NIPAL2: variants seen among roughly 807,000 people sequenced by gnomAD.
NIPAL2 encodes NIPA-like protein 2.
In NIPAL2, 43 loss-of-function variants were observed where a neutral mutation model predicts 48.9. That is an observed-to-expected ratio of 0.88 (90% CI 0.69 to 1.13). The LOEUF is 1.13. Among genes scored for constraint, NIPAL2 ranks in the 50% most tolerant of loss-of-function variants. The pLI is 0.00. For missense variants in NIPAL2, 446 were observed against 461.4 expected (o/e 0.97, Z 0.31); for synonymous variants, 167 against 174.6 (o/e 0.96, Z 0.34).
At chr8:98,256,661 A>G (rs1186178886) in intron 1 of NIPAL2, among the ~76,000 whole-genome samples, 1 of 151,986 alleles carries the variant, frequency 6.6e-6, no homozygotes, top group Non-Finnish European at 1.5e-5. Context: ...AAGTGTTAGC[A>G]AAGATGGGGA....
In NIPAL2 at chr8:98,211,733, A is replaced by AGTGTGTGTGTGTGT. The variant is rs1156409051; in HGVS notation, c.655+658_655+671dup. On this transcript the variant is annotated intron_variant, in intron 6 of 10. Coordinates refer to ENST00000430223, the MANE Select transcript of NIPAL2 (RefSeq NM_001321635.2). ...GAGTGAGAGAGAGAGAGAGAGAGAA[A>AGTGTGTGTGTGTGT]GTGTGTGTGTGTGTGTGTGTGTGTG... 5.1e-3 allele frequency among the ~76,000 whole-genome samples: 558 copies of AGTGTGTGTGTGTGT among 109,122 alleles called. 11 individuals are homozygous for AGTGTGTGTGTGTGT. The highest frequency in any genetic ancestry group is 0.015 in the African/African-American group (391 of 25,934). 71.6% of individuals were successfully genotyped at this position (109,122 alleles called of 152,430 possible). A position where few individuals can be genotyped will look rare whatever the true frequency, so the allele number is the denominator to read the frequency against.
intron 1 of NIPAL2, among the ~76,000 whole-genome samples, chr8:98,260,568 G>A (rs1359415610): frequency 1.2e-4 from 18 of 152,046 alleles, no homozygotes; most frequent in African/African-American, 3.4e-4. Context: ...GCGCTTTTCC[G>A]ACGGGCTTAA....
rs1812710860 is a variant in NIPAL2 at position 98,236,273 on chromosome 8, C to A, written c.377-59G>T. On this transcript the variant is annotated intron_variant, in intron 3 of 10. Coordinates refer to ENST00000430223, the MANE Select transcript of NIPAL2 (RefSeq NM_001321635.2). The stretch of plus-strand genomic sequence containing the variant: ...ATATAAAAGTGTCTATTACGCAATG[C>A]CATTTGAAAGAAGTTAAGCAATTTG... The A allele has an allele frequency of 4.2e-6, 5 of 1,204,394 alleles. No individual in the cohort carries two copies. The East Asian group carries it at 7.5e-5, about 18-fold the overall frequency. The allele number at this position is 1,204,394 out of a possible 1,614,324, so 74.6% of individuals were successfully genotyped here.
intron 8 of NIPAL2, among the ~76,000 whole-genome samples, chr8:98,199,822 A>C (rs555703973): frequency 6.6e-6 from 1 of 152,224 alleles, no homozygotes; most frequent in African/African-American, 2.4e-5. Flanking sequence ...TGCAGAGCAC[A>C]ATAAAATGCG....
Position 98,192,800 on chromosome 8 carries a change from T to C in NIPAL2, c.*178A>G, listed in dbSNP as rs1810357378. The C allele has an allele frequency of 1.7e-6, 1 of 603,646 alleles. No homozygotes were observed. The highest frequency in any genetic ancestry group is 2.8e-5 in the East Asian group (1 of 36,322). 37.4% of individuals were successfully genotyped at this position (603,646 alleles called of 1,614,324 possible). A position where few individuals can be genotyped will look rare whatever the true frequency, so the allele number is the denominator to read the frequency against. ...TCCAAATCACATTCCATGGAAATATTAGACTGTCAGAGCTTAGGAAGTCCC... is the reference window on the plus strand; with the variant it reads ...TCCAAATCACATTCCATGGAAATATCAGACTGTCAGAGCTTAGGAAGTCCC... On this transcript the variant is annotated 3_prime_UTR_variant, in exon 11 of 11. Coordinates refer to ENST00000430223, the MANE Select transcript of NIPAL2 (RefSeq NM_001321635.2).
chr8:98,292,208 A>G (rs1816523871), intron 1 of NIPAL2, among the ~76,000 whole-genome samples: 1 of 152,160 alleles, frequency 6.6e-6, no homozygotes, highest in Non-Finnish European at 1.5e-5. Context: ...ATCCACACCC[A>G]TTTTCAGCCA....
In NIPAL2 at chr8:98,284,223, C is replaced by T. The variant is rs573693401; in HGVS notation, c.135+9780G>A. Reference sequence around the variant, plus strand: ...CATTTCTCTACCATTGTGACTCCAGCGGCCATATCCAAATGTATATCACAA... The same window carrying T: ...CATTTCTCTACCATTGTGACTCCAGTGGCCATATCCAAATGTATATCACAA... On this transcript the variant is annotated intron_variant, in intron 1 of 10. Transcript: ENST00000430223. Among the ~76,000 whole-genome samples the T allele has an allele frequency of 5.3e-5, 8 of 152,280 alleles. No homozygotes were observed. In the South Asian group the frequency reaches 8.3e-4, roughly 16 times the overall value.
At chr8:98,206,399 G>T (rs1425349224) in intron 6 of NIPAL2, among the ~76,000 whole-genome samples, 2 of 151,884 alleles carry the variant, frequency 1.3e-5, no homozygotes, top group African/African-American at 4.8e-5. Context: ...GCCAAGAAAA[G>T]CCTCCCATAA....
At chr8:98,255,647 A>G (rs766697466) in intron 1 of NIPAL2, among the ~76,000 whole-genome samples, 1 of 152,226 alleles carries the variant, frequency 6.6e-6, no homozygotes, top group Non-Finnish European at 1.5e-5. Context: ...TTCTTTTCCT[A>G]ATAGAGGCAC....
chr8:98,247,751 A>C (rs1467455505), intron 3 of NIPAL2, among the ~76,000 whole-genome samples: 1 of 152,182 alleles, frequency 6.6e-6, no homozygotes, highest in East Asian at 1.9e-4. Context: ...AAGTCTGTTT[A>C]ATTACCTTAG....
intron 8 of NIPAL2, among the ~76,000 whole-genome samples, chr8:98,197,132 G>A (rs187349321): frequency 5.7e-4 from 81 of 141,428 alleles, no homozygotes; most frequent in African/African-American, 1.8e-3. Context: ...GTACTTCTTC[G>A]TACAGGTGTA....
chr8:98,292,089 A>G (rs1242045406), intron 1 of NIPAL2, among the ~76,000 whole-genome samples: 1 of 152,230 alleles, frequency 6.6e-6, no homozygotes, highest in African/African-American at 2.4e-5. Context: ...TTGTGATAAA[A>G]CCAATGGAGG....
intron 5 of NIPAL2, among the ~76,000 whole-genome samples, chr8:98,214,933 G>A (rs1362536085): frequency 1.3e-5 from 2 of 152,094 alleles, no homozygotes; most frequent in Admixed American, 1.3e-4. Flanking sequence ...AAAACATTGG[G>A]TGTCCTAATT....
intron 6 of NIPAL2, among the ~76,000 whole-genome samples, chr8:98,211,260 A>G (rs1266480217): frequency 6.6e-6 from 1 of 152,106 alleles, no homozygotes; most frequent in African/African-American, 2.4e-5. Context: ...TAATTCTGTT[A>G]TCTTACATTC....
At chr8:98,280,077 CTG>C (rs1380027209) in intron 1 of NIPAL2, among the ~76,000 whole-genome samples, 5 of 152,190 alleles carry the variant, frequency 3.3e-5, no homozygotes, top group Non-Finnish European at 7.3e-5. Flanking sequence ...ACCTGTAGTA[CTG>C]TGTTATTGAC....
At chr8:98,257,654 C>T (rs1443641314) in intron 1 of NIPAL2, among the ~76,000 whole-genome samples, 1 of 152,108 alleles carries the variant, frequency 6.6e-6, no homozygotes, top group Non-Finnish European at 1.5e-5. Context: ...CAGGTCTTTT[C>T]CCTGATCCAG....
intron 4 of NIPAL2, among the ~76,000 whole-genome samples, chr8:98,233,428 G>A (rs1738384191): frequency 6.6e-6 from 1 of 152,004 alleles, no homozygotes; most frequent in African/African-American, 2.4e-5. Flanking sequence ...AGCAATGAAG[G>A]TGGTAATAGA....
intron 10 of NIPAL2, chr8:98,193,468 A>G: frequency 6.4e-7 from 1 of 1,553,762 alleles, no homozygotes; most frequent in Non-Finnish European, 8.9e-7. Flanking sequence ...TTTGATAGTG[A>G]CTTCTAAAGC....
intron 1 of NIPAL2, among the ~76,000 whole-genome samples, chr8:98,271,072 AGTATCATGCT>A (rs1443087683): frequency 6.6e-6 from 1 of 152,150 alleles, no homozygotes; most frequent in Non-Finnish European, 1.5e-5. Flanking sequence ...TTTTTGTACC[AGTATCATGCT>A]GTTTTTGTTA....
Sources: gnomAD v4.1 joint callset for allele counts (sites outside exome capture counted in the v4.1 genomes callset) on GRCh38, gnomAD v4.1.1 for gene constraint, MANE v1.5 for transcripts, NCBI Gene and HGNC (gene_info 2026-07-23, HGNC 2026-07-21) for gene names.